Variants in CDH2 observed in about 807,000 individuals in gnomAD.
CDH2 encodes the protein cadherin-2.
Under a neutral mutation model 92.0 loss-of-function variants are expected in CDH2, and 17 were observed. That is an observed-to-expected ratio of 0.18 (90% CI 0.13 to 0.28). The LOEUF is 0.28. Among genes scored for constraint, CDH2 ranks in the 10% least tolerant of loss-of-function variants. The probability of loss-of-function intolerance (pLI) is 1.00; values close to 1 mark genes in which losing one functional copy is unlikely to be tolerated. For missense variants in CDH2, 862 were observed against 1,133.1 expected (o/e 0.76, Z 3.44); for synonymous variants, 419 against 415.9 (o/e 1.01, Z -0.09).
intron 14 of CDH2, among the ~76,000 whole-genome samples, chr18:27,982,469 C>T (rs927538439): frequency 2.0e-5 from 3 of 152,104 alleles, no homozygotes; most frequent in Non-Finnish European, 2.9e-5. Flanking sequence ...GAATGTAAGA[C>T]TCTTAAGGAT....
chr18:28,025,087 A>G (rs1022511888), intron 2 of CDH2, among the ~76,000 whole-genome samples: 9 of 152,170 alleles, frequency 5.9e-5, no homozygotes, highest in Admixed American at 2.6e-4. Context: ...TAACTGAAGA[A>G]TTTTGGTGGG....
rs1321764415 is a variant in CDH2, at chr18:28,154,039, T to C, written c.61-6255A>G. ...TAACAAGTGCCTGTGCTGCAAGTGG[T>C]GGCCACACATCCAGCCCTTATCTTT... On this transcript the variant is annotated intron_variant, in intron 1 of 15. Transcript: ENST00000269141. Among the ~76,000 whole-genome samples, 121 of 152,304 alleles carry C rather than the reference T, an allele frequency of 7.9e-4. 1 individual carries two copies. The highest frequency in any genetic ancestry group is 1.5e-4 in the Non-Finnish European group (10 of 68,030).
chr18:27,984,257 C>T (rs531586938), intron 13 of CDH2, among the ~76,000 whole-genome samples: 23 of 152,270 alleles, frequency 1.5e-4, no homozygotes, highest in African/African-American at 5.1e-4. Flanking sequence ...ATAGCATGAT[C>T]GCACAATAAA....
At chr18:28,037,283 A>G (rs2013852941) in intron 2 of CDH2, among the ~76,000 whole-genome samples, 1 of 152,216 alleles carries the variant, frequency 6.6e-6, no homozygotes, top group Non-Finnish European at 1.5e-5. Context: ...GGGTAGATAC[A>G]AGATTCCCAA....
At chr18:28,096,187 T>C (rs890329513) in intron 2 of CDH2, among the ~76,000 whole-genome samples, 1 of 152,102 alleles carries the variant, frequency 6.6e-6, no homozygotes, top group Non-Finnish European at 1.5e-5. Context: ...AAAACATATA[T>C]AACTTGGAAT....
chr18:27,959,511 C>T (rs892621323), intron 15 of CDH2: 3 of 152,082 alleles, frequency 2.0e-5, no homozygotes, highest in Non-Finnish European at 4.4e-5. Context: ...TTCTTTCTTT[C>T]TAGGTGCTTT....
At chr18:27,939,519 G>A (rs919393516) in intron 6 of CDH2, among the ~76,000 whole-genome samples, 1 of 152,018 alleles carries the variant, frequency 6.6e-6, no homozygotes. Flanking sequence ...GCCTGATGTC[G>A]AACTTTCCCA....
At chr18:27,943,039 A>G (rs961798479) in intron 6 of CDH2, among the ~76,000 whole-genome samples, 7 of 152,166 alleles carry the variant, frequency 4.6e-5, no homozygotes, top group Admixed American at 1.3e-4. Context: ...CTTGTGTTTC[A>G]CAGGGTATTA....
intron 2 of CDH2, among the ~76,000 whole-genome samples, chr18:28,143,340 T>C (rs1447273190): frequency 1.3e-5 from 2 of 151,984 alleles, no homozygotes; most frequent in Admixed American, 6.6e-5. Flanking sequence ...AGTGACAAAA[T>C]GAAAATGTAT....
chr18:27,978,791 T>A (rs1041735264), intron 14 of CDH2, among the ~76,000 whole-genome samples: 22 of 152,094 alleles, frequency 1.4e-4, no homozygotes, highest in African/African-American at 4.8e-4. Flanking sequence ...TAGCTGGGAC[T>A]ATAGGTATGA....
At chr18:28,073,424 T>C (rs559606230) in intron 2 of CDH2, among the ~76,000 whole-genome samples, 14 of 143,800 alleles carry the variant, frequency 9.7e-5, no homozygotes, top group Admixed American at 7.5e-4. Flanking sequence ...TAGTTGATTG[T>C]TTTTTCCTTG....
chr18:28,088,723 A>G (rs2014982823), intron 2 of CDH2, among the ~76,000 whole-genome samples: 1 of 152,126 alleles, frequency 6.6e-6, no homozygotes, highest in African/African-American at 2.4e-5. Flanking sequence ...GGGGGCGGGC[A>G]TGTTCCCTGA....
Position 28,086,025 on chromosome 18 carries a change from G to A in CDH2, c.172+61648C>T, listed in dbSNP as rs17494488. On this transcript the variant is annotated intron_variant, in intron 2 of 15. Coordinates refer to ENST00000269141, the MANE Select transcript of CDH2 (RefSeq NM_001792.5). Reference sequence around the variant, plus strand: ...CTGTATTATAAACTTGTTTTTAAAAGGAATGACATTTAGTGACCAGAATAC... The same window carrying A: ...CTGTATTATAAACTTGTTTTTAAAAAGAATGACATTTAGTGACCAGAATAC... 9.0e-3 allele frequency among the ~76,000 whole-genome samples: 1,373 copies of A among 152,084 alleles called. 17 individuals carry two copies. The highest frequency in any genetic ancestry group is 0.042 in the East Asian group (218 of 5,150).
At chr18:28,036,431 A>G (rs755473095) in intron 2 of CDH2, 1 of 920,278 alleles carries the variant, frequency 1.1e-6, no homozygotes, top group South Asian at 1.3e-5. Flanking sequence ...AGTTAACTAA[A>G]TCACCATGTT....
intron 15 of CDH2, among the ~76,000 whole-genome samples, chr18:27,961,623 A>C (rs1416482153): frequency 6.6e-6 from 1 of 152,186 alleles, no homozygotes. Context: ...AGAAGAAGGC[A>C]GGAATCAGAT....
At chr18:28,152,105 T>C (rs985131818) in intron 1 of CDH2, among the ~76,000 whole-genome samples, 4 of 152,182 alleles carry the variant, frequency 2.6e-5, no homozygotes, top group African/African-American at 9.6e-5. Flanking sequence ...ATCCCTCGAA[T>C]AGTGTGTTAA....
At chr18:28,132,060 T>C (rs2144295682) in intron 2 of CDH2, among the ~76,000 whole-genome samples, 1 of 152,270 alleles carries the variant, frequency 6.6e-6, no homozygotes, top group East Asian at 1.9e-4. Flanking sequence ...CACAGCAGTA[T>C]GGACCCCTTG....
At chr18:28,054,235 C>T (rs2144132472) in intron 2 of CDH2, among the ~76,000 whole-genome samples, 1 of 152,210 alleles carries the variant, frequency 6.6e-6, no homozygotes, top group South Asian at 2.1e-4. Flanking sequence ...GCATAAGAAC[C>T]ATGGACTCAG....
intron 2 of CDH2, among the ~76,000 whole-genome samples, chr18:28,085,711 G>T (rs1263128895): frequency 6.6e-6 from 1 of 152,072 alleles, no homozygotes; most frequent in Non-Finnish European, 1.5e-5. Context: ...CTTCAACTTT[G>T]TTCTCAATCT....
Sources: allele counts gnomAD v4.1 joint callset (sites outside exome capture counted in the v4.1 genomes callset), GRCh38; gene constraint gnomAD v4.1.1; transcripts MANE v1.5; gene names NCBI Gene and HGNC (gene_info 2026-07-23, HGNC 2026-07-21).